The following TIAM1 variants were observed in gnomAD, a reference collection of about 807,000 sequenced individuals.
The protein encoded by TIAM1 is TIAM Rac1 associated GEF 1.
A neutral mutation model predicts 163.5 loss-of-function variants in TIAM1; 65 were observed. That is an observed-to-expected ratio of 0.40 (90% CI 0.33 to 0.49). The LOEUF (loss-of-function observed/expected upper bound fraction) is 0.49, where lower values mean the gene tolerates loss of function less well. TIAM1 is among the 20% of genes least tolerant of loss of function. The probability of loss-of-function intolerance (pLI) is 0.77; values close to 1 mark genes in which losing one functional copy is unlikely to be tolerated. For synonymous variants in TIAM1, 833 were observed against 810.1 expected, an observed-to-expected ratio of 1.03 and a Z score of -0.48; for missense variants, 1,789 against 2,044.7, an observed-to-expected ratio of 0.87 and a Z score of 2.41.
intron 2 of TIAM1, among the ~76,000 whole-genome samples, chr21:31,388,404 G>A (rs138105023): frequency 6.6e-6 from 1 of 152,260 alleles, no homozygotes; most frequent in African/African-American, 2.4e-5. Flanking sequence ...ACTTTGGGAG[G>A]CTGAGGCAGG....
At chr21:31,363,105 G>A (rs530244046) in intron 2 of TIAM1, among the ~76,000 whole-genome samples, 42 of 152,198 alleles carry the variant, frequency 2.8e-4, no homozygotes, top group Non-Finnish European at 4.9e-4. Flanking sequence ...GTTCACGATC[G>A]ATATTAGCTA....
chr21:31,166,357 A>T (rs1175942792), intron 15 of TIAM1, among the ~76,000 whole-genome samples: 1 of 152,198 alleles, frequency 6.6e-6, no homozygotes, highest in Non-Finnish European at 1.5e-5. Context: ...GGAGCCCCTG[A>T]TGCTTTAGAT....
At chr21:31,206,889 T>C (rs1432147789) in intron 11 of TIAM1, among the ~76,000 whole-genome samples, 1 of 152,146 alleles carries the variant, frequency 6.6e-6, no homozygotes, top group Non-Finnish European at 1.5e-5. Context: ...ATGCAATTAC[T>C]GCATACACAA....
chr21:31,450,033 C>T (rs2044768205), intron 2 of TIAM1, among the ~76,000 whole-genome samples: 1 of 152,162 alleles, frequency 6.6e-6, no homozygotes, highest in Admixed American at 6.5e-5. Context: ...TCCCTCCCCA[C>T]AGAATATAAG....
intron 11 of TIAM1, among the ~76,000 whole-genome samples, chr21:31,204,829 G>A (rs556380116): frequency 6.6e-6 from 1 of 152,340 alleles, no homozygotes; most frequent in East Asian, 1.9e-4. Flanking sequence ...TGAACACATA[G>A]CAGAAGGATA....
chr21:31,274,337 T>C (rs919940896), intron 3 of TIAM1, among the ~76,000 whole-genome samples: 8 of 152,128 alleles, frequency 5.3e-5, no homozygotes, highest in South Asian at 2.1e-4. Flanking sequence ...TAAGAAAATA[T>C]TCCAGTTAAT....
At position 31,175,661 on chromosome 21, in the gene TIAM1, C is replaced by T. The variant is rs138209910; in HGVS notation, c.2887+6760G>A. ...TCGCCCAGGCTGGAATGCAATGGTA[C>T]GATCTTGGCTCACAGCAACCTCTGC... On this transcript the variant is annotated intron_variant, in intron 15 of 27. Coordinates refer to ENST00000541036, the MANE Select transcript of TIAM1 (RefSeq NM_001353694.2). 3.0e-4 allele frequency among the ~76,000 whole-genome samples: 45 copies of T among 152,112 alleles called. No individual in the cohort carries two copies. In the East Asian group the frequency reaches 7.0e-3, roughly 24 times the overall value.
At chr21:31,265,609 C>T (rs924545776) in intron 4 of TIAM1, among the ~76,000 whole-genome samples, 7 of 152,034 alleles carry the variant, frequency 4.6e-5, no homozygotes, top group Non-Finnish European at 1.0e-4. Context: ...CTCCCACCTG[C>T]TGCAGTGAAG....
chr21:31,464,390 T>C (rs2045445505), intron 1 of TIAM1, among the ~76,000 whole-genome samples: 1 of 152,156 alleles, frequency 6.6e-6, no homozygotes, highest in South Asian at 2.1e-4. Context: ...GTTTTTATTC[T>C]ATTTTTATTT....
At chr21:31,341,801 T>C (rs1466587299) in intron 1 of TIAM1, among the ~76,000 whole-genome samples, 1 of 152,232 alleles carries the variant, frequency 6.6e-6, no homozygotes, top group African/African-American at 2.4e-5. Context: ...TAAGGCCTTT[T>C]TCGACAGAGT....
At chr21:31,506,805 C>T (rs1275432899) in intron 1 of TIAM1, among the ~76,000 whole-genome samples, 1 of 152,240 alleles carries the variant, frequency 6.6e-6, no homozygotes, top group African/African-American at 2.4e-5. Flanking sequence ...GTAATCCTAG[C>T]TACCTGGGTG....
intron 1 of TIAM1, among the ~76,000 whole-genome samples, chr21:31,533,861 A>G (rs1022952407): frequency 3.9e-5 from 6 of 152,268 alleles, no homozygotes; most frequent in African/African-American, 1.4e-4. Context: ...ATGTCAACAT[A>G]GTGGGCAGTA....
chr21:31,307,433 C>G (rs1000687259), intron 2 of TIAM1, among the ~76,000 whole-genome samples: 2 of 152,156 alleles, frequency 1.3e-5, no homozygotes, highest in Non-Finnish European at 2.9e-5. Context: ...CCATCCAGAA[C>G]ACGGCCAGAA....
chr21:31,254,854 G>A (rs2072006401), intron 4 of TIAM1, among the ~76,000 whole-genome samples: 2 of 152,196 alleles, frequency 1.3e-5, no homozygotes, highest in African/African-American at 2.4e-5. Context: ...GAAGGAGGAT[G>A]GGAAGAGAGA....
At chr21:31,270,935 G>A (rs1484545291) in intron 3 of TIAM1, among the ~76,000 whole-genome samples, 1 of 152,118 alleles carries the variant, frequency 6.6e-6, no homozygotes, top group Non-Finnish European at 1.5e-5. Flanking sequence ...AGTTCCTTCA[G>A]ACCTTCAATC....
intron 13 of TIAM1, among the ~76,000 whole-genome samples, chr21:31,188,314 C>A (rs2085395176): frequency 2.0e-5 from 3 of 152,198 alleles, no homozygotes; most frequent in Admixed American, 1.3e-4. Flanking sequence ...AAATTCTCTT[C>A]TTTCAGCAAC....
At chr21:31,410,204 G>A (rs942153973) in intron 2 of TIAM1, among the ~76,000 whole-genome samples, 6 of 140,346 alleles carry the variant, frequency 4.3e-5, no homozygotes, top group South Asian at 2.2e-4. Flanking sequence ...CAGTGATTGT[G>A]AGTGTGTGTG....
intron 22 of TIAM1, among the ~76,000 whole-genome samples, chr21:31,138,581 G>T (rs1477175734): frequency 1.3e-5 from 2 of 152,136 alleles, no homozygotes; most frequent in African/African-American, 4.8e-5. Flanking sequence ...ACAATCACCC[G>T]CCTGAGTCTC....
At chr21:31,184,127 C>T (rs184860274) in intron 14 of TIAM1, among the ~76,000 whole-genome samples, 15 of 151,834 alleles carry the variant, frequency 9.9e-5, no homozygotes, top group Admixed American at 2.6e-4. Context: ...GTTTTTGAGA[C>T]GGGGTTTTGC....
Sources: allele counts gnomAD v4.1 joint callset (sites outside exome capture counted in the v4.1 genomes callset), GRCh38; gene constraint gnomAD v4.1.1; transcripts MANE v1.5; gene names NCBI Gene and HGNC (gene_info 2026-07-23, HGNC 2026-07-21).